TSGA10: variants seen among roughly 807,000 people sequenced by gnomAD.
TSGA10 encodes the protein testis-specific gene 10 protein.
TSGA10 carries 43 observed loss-of-function variants against 96.6 expected under a neutral mutation model. That is an observed-to-expected ratio of 0.44 (90% CI 0.35 to 0.57). TSGA10 has a LOEUF of 0.57. Among genes scored for constraint, TSGA10 ranks in the 20% least tolerant of loss-of-function variants. TSGA10 has a pLI of 0.01. For synonymous variants in TSGA10, 229 were observed against 269.9 expected, an observed-to-expected ratio of 0.85 and a Z score of 1.48; for missense variants, 703 against 834.4, an observed-to-expected ratio of 0.84 and a Z score of 1.94.
intron 10 of TSGA10, among the ~76,000 whole-genome samples, chr2:99,097,645 A>C (rs2090216521): frequency 6.6e-6 from 1 of 152,186 alleles, no homozygotes; most frequent in Admixed American, 6.5e-5. Flanking sequence ...ATCAATCCAA[A>C]AGAAGGCAAG....
At position 99,077,039 on chromosome 2, in the gene TSGA10, C is replaced by T. The variant is rs570340945; in HGVS notation, c.882+1620G>A. On this transcript the variant is annotated intron_variant, in intron 12 of 20. Coordinates refer to ENST00000393483, the MANE Select transcript of TSGA10 (RefSeq NM_025244.4). The stretch of plus-strand genomic sequence containing the variant: ...TTCCAACAACACATTGTGCATATGT[C>T]ATTATGGCACTTAATGTATTCTGTC... Among the ~76,000 whole-genome samples the T allele has an allele frequency of 1.8e-3, 263 of 148,828 alleles. 1 individual carries two copies. Among genetic ancestry groups the T allele is most frequent in the Middle Eastern group, 0.011 (3 of 280 alleles).
intron 13 of TSGA10, 56 bp from the exon 14 acceptor site, chr2:99,071,930 C>G (rs1195526508): frequency 1.4e-6 from 2 of 1,447,778 alleles, no homozygotes; most frequent in Non-Finnish European, 9.4e-7. Context: ...AACAGAGCAA[C>G]AAATTCTCAC....
intron 16 of TSGA10, among the ~76,000 whole-genome samples, chr2:99,055,117 A>G (rs1447980798): frequency 6.6e-6 from 1 of 152,226 alleles, no homozygotes; most frequent in Admixed American, 6.5e-5. Flanking sequence ...AGTGTCCATC[A>G]GTGGCTGAAT....
At position 98,997,379 on chromosome 2, in the gene TSGA10, T is replaced by C. The variant is rs1380700765; in HGVS notation, c.*818A>G. ...CATTACATCAAAGCCTATGGATAGA[T>C]AAGGTAAGAGATTTAGGAAATTGGG... is the stretch of plus-strand genomic sequence containing the variant. On this transcript the variant is annotated 3_prime_UTR_variant, in exon 21 of 21. Transcript: ENST00000393483. The C allele has an allele frequency of 6.6e-6, 1 of 152,074 alleles. No individual in the cohort carries two copies. Among genetic ancestry groups the C allele is most frequent in the East Asian group, 1.9e-4 (1 of 5,202 alleles). 9.4% of individuals were successfully genotyped at this position (152,074 alleles called of 1,614,324 possible).
At chr2:99,073,100 A>T (rs766313212) in intron 12 of TSGA10, 27 bp from the exon 13 acceptor site, 55 of 1,389,330 alleles carry the variant, frequency 4.0e-5, no homozygotes, top group Non-Finnish European at 3.9e-5. Flanking sequence ...AGTATTAAAT[A>T]AAAAAATCTT....
At chr2:99,024,174 C>CCA (rs1442541705) in intron 17 of TSGA10, among the ~76,000 whole-genome samples, 17 of 152,124 alleles carry the variant, frequency 1.1e-4, no homozygotes, top group Admixed American at 7.9e-4. Context: ...ACTGCAACCT[C>CCA]TGACTCCCTG....
In TSGA10 at chr2:99,083,223, A is replaced by G. The variant is rs77963463; in HGVS notation, c.612-1826T>C. Reference sequence around the variant, plus strand: ...AACCTGTATCTATTAAGACAATTATAAATGGGGGAGGATAAAAGGACTTAA... The same window carrying G: ...AACCTGTATCTATTAAGACAATTATGAATGGGGGAGGATAAAAGGACTTAA... On this transcript the variant is annotated intron_variant, in intron 10 of 20. Transcript: ENST00000393483. 2.6e-4 allele frequency among the ~76,000 whole-genome samples: 39 copies of G among 152,292 alleles called. No individual in the cohort carries two copies. In the East Asian group the frequency reaches 7.5e-3, roughly 29 times the overall value.
intron 1 of TSGA10, chr2:99,150,884 G>A (rs374028854): frequency 6.4e-6 from 8 of 1,250,458 alleles, no homozygotes; most frequent in African/African-American, 6.0e-5. Flanking sequence ...TTTGACTAAG[G>A]GGGGTGTTGA....
chr2:99,141,405 C>T (rs1233722263), intron 1 of TSGA10: 3 of 196,466 alleles, frequency 1.5e-5, no homozygotes, highest in Non-Finnish European at 3.3e-5. Context: ...CCGCTCGCCC[C>T]CAGGCCCGGT....
chr2:99,133,763 T>C (rs2093208401), intron 1 of TSGA10, among the ~76,000 whole-genome samples: 1 of 152,240 alleles, frequency 6.6e-6, no homozygotes, highest in South Asian at 2.1e-4. Context: ...TCAGGAGCTC[T>C]TGTAAGCCAG....
At chr2:99,043,390 A>G (rs1290509432) in intron 16 of TSGA10, among the ~76,000 whole-genome samples, 1 of 152,160 alleles carries the variant, frequency 6.6e-6, no homozygotes, top group Non-Finnish European at 1.5e-5. Flanking sequence ...TCCGAAAAAT[A>G]TAGGACACTA....
intron 1 of TSGA10, among the ~76,000 whole-genome samples, chr2:99,152,813 G>A (rs916626817): frequency 8.5e-5 from 13 of 152,188 alleles, no homozygotes; most frequent in African/African-American, 3.1e-4. Context: ...TGGCAAAAAA[G>A]GCTTTAGCCT....
chr2:99,048,380 TAC>T (rs776511560), intron 16 of TSGA10, among the ~76,000 whole-genome samples: 1 of 150,708 alleles, frequency 6.6e-6, no homozygotes, highest in African/African-American at 2.4e-5. Flanking sequence ...CATATATATA[TAC>T]ACACACACCA....
At chr2:99,102,967 A>C (rs1187923023) in intron 10 of TSGA10, among the ~76,000 whole-genome samples, 7 of 152,200 alleles carry the variant, frequency 4.6e-5, no homozygotes, top group Admixed American at 3.9e-4. Flanking sequence ...ACTTTTTGTA[A>C]AATGTTCTGC....
At chr2:99,044,940 T>A (rs372389217) in intron 16 of TSGA10, among the ~76,000 whole-genome samples, 1 of 151,954 alleles carries the variant, frequency 6.6e-6, no homozygotes, top group African/African-American at 2.4e-5. Flanking sequence ...ACTGGGTACA[T>A]AACAAAATGA....
At chr2:99,089,157 C>T (rs773123422) in intron 10 of TSGA10, among the ~76,000 whole-genome samples, 20 of 152,088 alleles carry the variant, frequency 1.3e-4, no homozygotes, top group Non-Finnish European at 2.2e-4. Flanking sequence ...GTCCAGATCA[C>T]GGGAGAAGGA....
intron 17 of TSGA10, among the ~76,000 whole-genome samples, chr2:99,031,562 C>G (rs1373683352): frequency 1.3e-5 from 2 of 151,898 alleles, no homozygotes; most frequent in Non-Finnish European, 2.9e-5. Context: ...GAATAAAAAC[C>G]ACAAGCCACA....
intron 20 of TSGA10, among the ~76,000 whole-genome samples, chr2:99,002,122 G>C (rs1215078890): frequency 1.3e-5 from 2 of 152,116 alleles, no homozygotes; most frequent in South Asian, 4.1e-4. Flanking sequence ...TTCAAATTCA[G>C]GAAATACAGA....
Position 99,018,656 on chromosome 2 carries a change from T to A in TSGA10, c.1818-16A>T. ...CTGGATGGCCCTGTTTAAAAGAAGA[T>A]AAGAGTTATAGTTGACTAAACTTAA... is the stretch of plus-strand genomic sequence containing the variant. On this transcript the variant is annotated splice_polypyrimidine_tract_variant and intron_variant, in intron 18 of 20. Transcript: ENST00000393483. The A allele has an allele frequency of 6.3e-7, 1 of 1,599,074 alleles. No homozygotes were observed. Among genetic ancestry groups the A allele is most frequent in the South Asian group, 1.1e-5 (1 of 88,462 alleles).
Sources: allele counts gnomAD v4.1 joint callset (sites outside exome capture counted in the v4.1 genomes callset), GRCh38; gene constraint gnomAD v4.1.1; transcripts MANE v1.5; gene names NCBI Gene and HGNC (gene_info 2026-07-23, HGNC 2026-07-21).